The following GSE1 variants were observed in gnomAD, a reference collection of about 807,000 sequenced individuals.
The protein encoded by GSE1 is genetic suppressor element 1.
A neutral mutation model predicts 112.6 loss-of-function variants in GSE1; 32 were observed. That is an observed-to-expected ratio of 0.28 (90% CI 0.21 to 0.38). The LOEUF is 0.38. Among genes scored for constraint, GSE1 ranks in the 10% least tolerant of loss-of-function variants. GSE1 has a pLI of 1.00. For missense variants in GSE1, 2,348 were observed against 1,699.2 expected (o/e 1.38, Z -6.71); for synonymous variants, 1,115 against 735.6 (o/e 1.52, Z -8.35).
chr16:85,447,180 T>C (rs578088539), intron 2 of GSE1, among the ~76,000 whole-genome samples: 1 of 152,178 alleles, frequency 6.6e-6, no homozygotes, highest in African/African-American at 2.4e-5. Context: ...CTTGCCTGCT[T>C]TGCAAGCAAG....
At chr16:85,608,674 G>A (rs1047592271), upstream of GSE1, among the ~76,000 whole-genome samples, 1 of 152,168 alleles carries the variant, frequency 6.6e-6, no homozygotes, top group Non-Finnish European at 1.5e-5. Flanking sequence ...ACCTTCTCAG[G>A]TCTCCCCACT....
At chr16:85,282,791 T>G (rs2044894100) in intron 1 of GSE1, among the ~76,000 whole-genome samples, 1 of 152,274 alleles carries the variant, frequency 6.6e-6, no homozygotes, top group Non-Finnish European at 1.5e-5. Flanking sequence ...CAAATTTGCA[T>G]AATTCTGTGT....
intron 2 of GSE1, among the ~76,000 whole-genome samples, chr16:85,513,140 A>G (rs998269742): frequency 2.6e-5 from 4 of 152,060 alleles, no homozygotes; most frequent in Admixed American, 2.6e-4. Flanking sequence ...CTGGCCCAGC[A>G]GGGACCCCCC....
chr16:85,655,694 T>A, intron 5 of GSE1, 32 bp from the exon 6 acceptor site: 3 of 1,499,858 alleles, frequency 2.0e-6, no homozygotes, highest in Non-Finnish European at 2.7e-6. Flanking sequence ...CTTGGTTCAT[T>A]TGCTGCTCAC....
intron 2 of GSE1, among the ~76,000 whole-genome samples, chr16:85,509,752 T>C (rs1263165548): frequency 3.3e-5 from 5 of 152,210 alleles, no homozygotes; most frequent in Admixed American, 3.3e-4. Context: ...TCCCTGACTG[T>C]GTGCCATGAG....
Position 85,404,092 on chromosome 16 carries a change from AG to A in GSE1, c.2464+46452del, listed in dbSNP as rs764201298. Among the ~76,000 whole-genome samples, 7 of 151,612 alleles carry A rather than the reference AG, an allele frequency of 4.6e-5. No homozygotes were observed. In the East Asian group the frequency reaches 1.2e-3, roughly 25 times the overall value. On this transcript the variant is annotated intron_variant, in intron 2 of 2. Transcript: ENST00000637419. Reference sequence around the variant, plus strand: ...CAGAAACCAGCTTGTGATTGGACACAGGGCCCCCCCGGATAATCCTCACTGT... The same window carrying A: ...CAGAAACCAGCTTGTGATTGGACACAGGCCCCCCCGGATAATCCTCACTGT...
At chr16:85,290,389 T>G (rs1251244547) in intron 1 of GSE1, among the ~76,000 whole-genome samples, 1 of 152,194 alleles carries the variant, frequency 6.6e-6, no homozygotes, top group Non-Finnish European at 1.5e-5. Context: ...TCCGTTCCAT[T>G]GGGTACTGAT....
intron 1 of GSE1, among the ~76,000 whole-genome samples, chr16:85,616,093 C>T (rs1479361882): frequency 2.6e-5 from 4 of 152,236 alleles, no homozygotes; most frequent in Non-Finnish European, 2.9e-5. Flanking sequence ...TCAGCATCGC[C>T]GGCCCCAGGA....
chr16:85,529,018 AC>A (rs1419522606), intron 2 of GSE1, among the ~76,000 whole-genome samples: 1 of 152,062 alleles, frequency 6.6e-6, no homozygotes, highest in Non-Finnish European at 1.5e-5. Flanking sequence ...GGGCAGAGGC[AC>A]CCTCATCTTG....
intron 1 of GSE1, among the ~76,000 whole-genome samples, chr16:85,194,981 A>T (rs980575453): frequency 2.0e-5 from 3 of 152,100 alleles, no homozygotes; most frequent in African/African-American, 7.2e-5. Context: ...CTTTCAGATC[A>T]TCATAAAGAC....
chr16:85,224,501 G>T (rs1404135383), intron 1 of GSE1, among the ~76,000 whole-genome samples: 1 of 152,028 alleles, frequency 6.6e-6, no homozygotes, highest in Non-Finnish European at 1.5e-5. Context: ...GACTCTCTAG[G>T]TTCCTGGATG....
intron 1 of GSE1, among the ~76,000 whole-genome samples, chr16:85,287,459 T>G (rs896497079): frequency 5.3e-5 from 8 of 152,162 alleles, no homozygotes; most frequent in African/African-American, 1.9e-4. Context: ...CGCCTCTGGC[T>G]TCATCTCCTC....
chr16:85,661,466 C>A lies in GSE1; in HGVS notation c.1961C>A (p.Pro654Gln). 6.2e-7 allele frequency: 1 copy of A among 1,611,638 alleles called. No homozygotes were observed. ...APLDKYQPPP[P>Q]PPREGGSLEH... Reference sequence around the variant, plus strand: ...CTGGACAAGTACCAGCCACCTCCGCCGCCACCACGAGAGGGAGGGAGCCTG... The same window carrying A: ...CTGGACAAGTACCAGCCACCTCCGCAGCCACCACGAGAGGGAGGGAGCCTG... The change falls in exon 9 of 16, where the codon CCG becomes CAG. Residue 654 changes from proline to glutamine, a missense_variant. Coordinates refer to ENST00000253458, the MANE Select transcript of GSE1 (RefSeq NM_014615.5).
At chr16:85,178,554 G>T (rs931353931) in intron 1 of GSE1, among the ~76,000 whole-genome samples, 1 of 152,124 alleles carries the variant, frequency 6.6e-6, no homozygotes, top group East Asian at 1.9e-4. Context: ...GCTTCTAGCA[G>T]ATTCAAGTGC....
At chr16:85,264,487 C>G (rs1217117762) in intron 1 of GSE1, among the ~76,000 whole-genome samples, 1 of 152,072 alleles carries the variant, frequency 6.6e-6, no homozygotes, top group Non-Finnish European at 1.5e-5. Flanking sequence ...GCATCACCGC[C>G]TCCCTCCTCG....
intron 1 of GSE1, among the ~76,000 whole-genome samples, chr16:85,350,403 T>G (rs1236050740): frequency 6.6e-6 from 1 of 152,112 alleles, no homozygotes; most frequent in African/African-American, 2.4e-5. Flanking sequence ...TCTCCTGACA[T>G]TTAGCTGTTC....
chr16:85,253,643 G>A (rs528910567), intron 1 of GSE1, among the ~76,000 whole-genome samples: 86 of 152,334 alleles, frequency 5.6e-4, no homozygotes, highest in African/African-American at 1.9e-3. Context: ...GAGTCTGGGA[G>A]AACCCAGAGG....
At chr16:85,254,738 G>A (rs529803752) in intron 1 of GSE1, among the ~76,000 whole-genome samples, 30 of 152,352 alleles carry the variant, frequency 2.0e-4, no homozygotes, top group African/African-American at 6.5e-4. Flanking sequence ...AAACCCAGAC[G>A]TTATGGTCAG....
chr16:85,672,749 C>G lies in GSE1; in HGVS notation c.*210C>G, dbSNP rs768800838. On this transcript the variant is annotated 3_prime_UTR_variant, in exon 16 of 16. Coordinates refer to ENST00000253458, the MANE Select transcript of GSE1 (RefSeq NM_014615.5). ...ATCACCGTTGTCATTCAGCGAGCAA[C>G]CAATGTAGGATTGCCCACAGTTTTT... 4.2e-5 allele frequency: 17 copies of G among 406,250 alleles called. No individual in the cohort carries two copies. Among genetic ancestry groups the G allele is most frequent in the South Asian group, 2.5e-4 (4 of 16,240 alleles). The allele number at this position is 406,250 out of a possible 1,614,324, so 25.2% of individuals were successfully genotyped here. A position where few individuals can be genotyped will look rare whatever the true frequency, so the allele number is the denominator to read the frequency against.
Sources: allele counts gnomAD v4.1 joint callset (sites outside exome capture counted in the v4.1 genomes callset), GRCh38; gene constraint gnomAD v4.1.1; transcripts MANE v1.5; gene names NCBI Gene and HGNC (gene_info 2026-07-23, HGNC 2026-07-21).